The following MAGI2 variants were observed in gnomAD, a reference collection of about 807,000 sequenced individuals.
MAGI2 encodes the protein membrane associated guanylate kinase, WW and PDZ domain containing 2, also known as membrane-associated guanylate kinase, WW and PDZ domain-containing protein 2.
MAGI2 carries 35 observed loss-of-function variants against 133.3 expected under a neutral mutation model. The ratio of observed to expected loss-of-function variants is 0.26; its 90% confidence interval spans 0.20 to 0.35. The LOEUF is 0.35. Among genes scored for constraint, MAGI2 ranks in the 10% least tolerant of loss-of-function variants. The probability of loss-of-function intolerance (pLI) is 1.00; values close to 1 mark genes in which losing one functional copy is unlikely to be tolerated. For missense variants in MAGI2, 1,636 were observed against 1,863.4 expected, an observed-to-expected ratio of 0.88 and a Z score of 2.25; for synonymous variants, 729 against 710.6, an observed-to-expected ratio of 1.03 and a Z score of -0.41.
chr7:78,545,489 G>A (rs1169799902), intron 3 of MAGI2, among the ~76,000 whole-genome samples: 1 of 152,118 alleles, frequency 6.6e-6, no homozygotes, highest in Non-Finnish European at 1.5e-5. Context: ...TGGGATTACA[G>A]GTGTGAGCCA....
intron 6 of MAGI2, among the ~76,000 whole-genome samples, chr7:78,414,379 A>G (rs557985046): frequency 1.1e-4 from 17 of 152,062 alleles, no homozygotes; most frequent in Non-Finnish European, 2.4e-4. Context: ...ACATGAAAAA[A>G]TACATATACA....
chr7:78,190,139 T>A (rs1828064419), intron 12 of MAGI2, among the ~76,000 whole-genome samples: 1 of 152,230 alleles, frequency 6.6e-6, no homozygotes, highest in South Asian at 2.1e-4. Context: ...GGCATAGTAC[T>A]TAAATGTGGG....
At chr7:79,430,058 AAAT>A (rs1228103052) in intron 1 of MAGI2, among the ~76,000 whole-genome samples, 17 of 152,192 alleles carry the variant, frequency 1.1e-4, no homozygotes, top group African/African-American at 3.9e-4. Context: ...AAATGGAAGA[AAAT>A]AATATTCTAA....
intron 10 of MAGI2, among the ~76,000 whole-genome samples, chr7:78,216,831 G>T (rs1788322694): frequency 6.6e-6 from 1 of 152,170 alleles, no homozygotes; most frequent in African/African-American, 2.4e-5. Context: ...AATAATAGAA[G>T]TTTGCTATAT....
intron 1 of MAGI2, among the ~76,000 whole-genome samples, chr7:79,325,793 G>A (rs1839649654): frequency 6.6e-6 from 1 of 152,254 alleles, no homozygotes; most frequent in African/African-American, 2.4e-5. Flanking sequence ...GCATTCACAA[G>A]GAAGGCAACA....
intron 3 of MAGI2, among the ~76,000 whole-genome samples, chr7:78,531,218 T>G (rs1183503829): frequency 3.3e-5 from 5 of 149,848 alleles, no homozygotes; most frequent in African/African-American, 1.2e-4. Context: ...TAATTAAGTT[T>G]TTTTTTTTTT....
At chr7:78,722,984 A>T (rs901357307) in intron 2 of MAGI2, among the ~76,000 whole-genome samples, 62 of 152,088 alleles carry the variant, frequency 4.1e-4, no homozygotes, top group Admixed American at 2.2e-3. Context: ...GAAAAGGAAG[A>T]TGTAAGAATG....
At chr7:78,045,385 G>A (rs1238777408) in intron 21 of MAGI2, among the ~76,000 whole-genome samples, 1 of 151,974 alleles carries the variant, frequency 6.6e-6, no homozygotes, top group Non-Finnish European at 1.5e-5. Context: ...CCTTAAGTTA[G>A]AGCAATGTGC....
At chr7:79,156,268 A>C (rs184124420) in intron 1 of MAGI2, among the ~76,000 whole-genome samples, 1 of 152,286 alleles carries the variant, frequency 6.6e-6, no homozygotes, top group Non-Finnish European at 1.5e-5. Context: ...TTTCTTTGCC[A>C]TATTTTGAGA....
Position 78,177,057 on chromosome 7 carries a change from TTA to T in MAGI2, c.2403+952_2403+953del, listed in dbSNP as rs556062247. ...TGATCCAGACATAATGCCAAGACCTTTATATATATATATATTATCTCCTTTAA... is the reference window on the plus strand; with the variant it reads ...TGATCCAGACATAATGCCAAGACCTTTATATATATATATTATCTCCTTTAA... On this transcript the variant is annotated intron_variant, in intron 14 of 21. Transcript: ENST00000354212. Among the ~76,000 whole-genome samples, 996 of 149,490 alleles carry T rather than the reference TTA, an allele frequency of 6.7e-3. 11 individuals are homozygous for T. Among genetic ancestry groups the T allele is most frequent in the African/African-American group, 0.023 (931 of 40,912 alleles).
intron 2 of MAGI2, among the ~76,000 whole-genome samples, chr7:78,880,294 G>T (rs138844557): frequency 6.6e-6 from 1 of 152,032 alleles, no homozygotes; most frequent in Non-Finnish European, 1.5e-5. Context: ...AGATCAGCAC[G>T]GAAGAAAAAA....
chr7:79,140,013 A>G (rs943253925), intron 1 of MAGI2, among the ~76,000 whole-genome samples: 1 of 152,216 alleles, frequency 6.6e-6, no homozygotes, highest in African/African-American at 2.4e-5. Context: ...GGGAGCCAGC[A>G]GCTTTATAAA....
intron 2 of MAGI2, among the ~76,000 whole-genome samples, chr7:78,673,910 T>C (rs1231858425): frequency 6.6e-6 from 1 of 152,172 alleles, no homozygotes; most frequent in Non-Finnish European, 1.5e-5. Context: ...ATAAGTGTTC[T>C]GACTAATATG....
chr7:78,889,894 T>G (rs1796598849), intron 2 of MAGI2, among the ~76,000 whole-genome samples: 1 of 152,194 alleles, frequency 6.6e-6, no homozygotes, highest in Admixed American at 6.5e-5. Flanking sequence ...GCCTTAAATG[T>G]AAATAGGCTA....
At chr7:78,929,878 CT>C (rs1419160319) in intron 2 of MAGI2, among the ~76,000 whole-genome samples, 1 of 152,004 alleles carries the variant, frequency 6.6e-6, no homozygotes, top group Admixed American at 6.6e-5. Flanking sequence ...CAAAATAGAC[CT>C]TCTAAACATA....
At chr7:78,044,027 G>A (rs1811136233) in intron 21 of MAGI2, among the ~76,000 whole-genome samples, 1 of 152,132 alleles carries the variant, frequency 6.6e-6, no homozygotes, top group Admixed American at 6.5e-5. Flanking sequence ...AGGGTAGCAT[G>A]ATTAAAGGTA....
At chr7:79,083,161 T>C (rs1816195983) in intron 1 of MAGI2, among the ~76,000 whole-genome samples, 1 of 151,634 alleles carries the variant, frequency 6.6e-6, no homozygotes, top group Non-Finnish European at 1.5e-5. Context: ...CCAACCTAGA[T>C]GCTATTTATT....
At chr7:78,903,170 A>ATTTTTTTTT (rs1797734490) in intron 2 of MAGI2, among the ~76,000 whole-genome samples, 1 of 92,922 alleles carries the variant, frequency 1.1e-5, no homozygotes, top group Non-Finnish European at 2.2e-5. Context: ...GAGTTCCTGA[A>ATTTTTTTTT]TCTTTTTTTT....
chr7:78,998,742 C>T (rs1250382148), intron 2 of MAGI2, among the ~76,000 whole-genome samples: 1 of 152,076 alleles, frequency 6.6e-6, no homozygotes, highest in Non-Finnish European at 1.5e-5. Context: ...GTCTTTAAGT[C>T]CCATAAGAAC....
Sources: gnomAD v4.1 joint callset for allele counts (sites outside exome capture counted in the v4.1 genomes callset) on GRCh38, gnomAD v4.1.1 for gene constraint, MANE v1.5 for transcripts, NCBI Gene and HGNC (gene_info 2026-07-23, HGNC 2026-07-21) for gene names.